The following MDGA2 variants were observed in gnomAD, a reference collection of about 807,000 sequenced individuals.
MDGA2 encodes MAM domain containing glycosylphosphatidylinositol anchor 2, also known as MAM domain-containing glycosylphosphatidylinositol anchor protein 2.
Under a neutral mutation model 117.8 loss-of-function variants are expected in MDGA2, and 40 were observed. That is an observed-to-expected ratio of 0.34 (90% confidence interval 0.26 to 0.44). The LOEUF (loss-of-function observed/expected upper bound fraction) is 0.44. MDGA2 is among the 20% of genes least tolerant of loss of function. MDGA2 has a pLI of 1.00. For missense variants in MDGA2, 1,123 were observed against 1,250.6 expected, an observed-to-expected ratio of 0.90 and a Z score of 1.54; for synonymous variants, 452 against 439.0, an observed-to-expected ratio of 1.03 and a Z score of -0.37.
intron 10 of MDGA2, among the ~76,000 whole-genome samples, chr14:46,916,249 A>C (rs928007348): frequency 1.9e-4 from 29 of 152,062 alleles, no homozygotes; most frequent in Non-Finnish European, 3.4e-4. Flanking sequence ...TCAAAATCCC[A>C]TTAGTCCCAG....
intron 2 of MDGA2, among the ~76,000 whole-genome samples, chr14:47,221,707 A>T (rs1303325876): frequency 6.8e-6 from 1 of 147,948 alleles, no homozygotes; most frequent in African/African-American, 2.5e-5. Context: ...AAAAAAAGAG[A>T]TTACGGGAAG....
intron 1 of MDGA2, among the ~76,000 whole-genome samples, chr14:47,404,814 T>C (rs1464730435): frequency 2.0e-5 from 3 of 152,146 alleles, no homozygotes; most frequent in Non-Finnish European, 4.4e-5. Flanking sequence ...TTTTAAGCTA[T>C]AATAGGATTG....
At chr14:47,298,658 C>G (rs535446311) in intron 2 of MDGA2, among the ~76,000 whole-genome samples, 1 of 149,114 alleles carries the variant, frequency 6.7e-6, no homozygotes, top group African/African-American at 2.4e-5. Flanking sequence ...AGTTTGTTGA[C>G]AATGAAGAGG....
At chr14:46,917,371 G>A (rs1439350384) in intron 10 of MDGA2, among the ~76,000 whole-genome samples, 1 of 152,192 alleles carries the variant, frequency 6.6e-6, no homozygotes, top group Non-Finnish European at 1.5e-5. Flanking sequence ...GGAGTGCCCT[G>A]CACAAGAGTA....
At chr14:47,177,331 G>T (rs1167394529) in intron 3 of MDGA2, among the ~76,000 whole-genome samples, 3 of 152,102 alleles carry the variant, frequency 2.0e-5, no homozygotes, top group Non-Finnish European at 4.4e-5. Flanking sequence ...AAATCATGCT[G>T]CTATAAAGAC....
At chr14:47,213,503 A>G (rs1885960871) in intron 3 of MDGA2, among the ~76,000 whole-genome samples, 1 of 152,162 alleles carries the variant, frequency 6.6e-6, no homozygotes, top group African/African-American at 2.4e-5. Flanking sequence ...GAAATTCTTA[A>G]TTTAAAAAAA....
chr14:47,484,379 A>G (rs1368143066), intron 1 of MDGA2, among the ~76,000 whole-genome samples: 1 of 152,214 alleles, frequency 6.6e-6, no homozygotes, highest in East Asian at 1.9e-4. Context: ...CCAATAGAGC[A>G]GCCCTTGATG....
chr14:46,998,842 A>G (rs1009519555), intron 8 of MDGA2, among the ~76,000 whole-genome samples: 4 of 152,076 alleles, frequency 2.6e-5, no homozygotes, highest in African/African-American at 9.7e-5. Flanking sequence ...CAAATTGGAC[A>G]AGGAATTTGA....
intron 1 of MDGA2, among the ~76,000 whole-genome samples, chr14:47,362,198 G>A (rs1891140733): frequency 1.3e-5 from 2 of 152,012 alleles, no homozygotes; most frequent in African/African-American, 4.8e-5. Flanking sequence ...CTCATAAAGG[G>A]AATATAGACA....
chr14:47,216,944 G>C (rs1290706009), intron 3 of MDGA2, among the ~76,000 whole-genome samples: 3 of 152,002 alleles, frequency 2.0e-5, no homozygotes, highest in African/African-American at 7.2e-5. Context: ...GGAAATAGAA[G>C]ATACTGGAGA....
intron 2 of MDGA2, among the ~76,000 whole-genome samples, chr14:47,295,913 C>T (rs1889049624): frequency 7.0e-6 from 1 of 143,816 alleles, no homozygotes; most frequent in Admixed American, 7.1e-5. Context: ...TAAAAATATA[C>T]ATATATAGAT....
At chr14:46,893,921 T>A (rs1311782431) in intron 10 of MDGA2, among the ~76,000 whole-genome samples, 1 of 152,022 alleles carries the variant, frequency 6.6e-6, no homozygotes, top group Non-Finnish European at 1.5e-5. Context: ...GACTTCTATG[T>A]ATATGTCCCT....
intron 3 of MDGA2, among the ~76,000 whole-genome samples, chr14:47,216,035 A>G (rs1457152099): frequency 6.6e-6 from 1 of 152,178 alleles, no homozygotes; most frequent in Non-Finnish European, 1.5e-5. Context: ...TGGAGATAAC[A>G]GTGCTATTAT....
At chr14:46,917,604 A>G (rs1883951110) in intron 10 of MDGA2, among the ~76,000 whole-genome samples, 1 of 152,224 alleles carries the variant, frequency 6.6e-6, no homozygotes. Flanking sequence ...GGAAATTTAT[A>G]CATACATATG....
At chr14:47,177,950 G>T (rs1431042616) in intron 3 of MDGA2, among the ~76,000 whole-genome samples, 2 of 151,954 alleles carry the variant, frequency 1.3e-5, no homozygotes, top group Non-Finnish European at 2.9e-5. Context: ...AATGCTTAGA[G>T]GATTAACTGC....
intron 1 of MDGA2, among the ~76,000 whole-genome samples, chr14:47,416,893 G>A (rs1480091730): frequency 1.3e-5 from 2 of 152,138 alleles, no homozygotes; most frequent in African/African-American, 4.8e-5. Flanking sequence ...TGCACTCTGG[G>A]TTTGTAATGG....
At chr14:46,862,668 A>G (rs555177224) in intron 14 of MDGA2, among the ~76,000 whole-genome samples, 4 of 152,068 alleles carry the variant, frequency 2.6e-5, no homozygotes, top group East Asian at 1.9e-4. Flanking sequence ...CTTGCATACA[A>G]ATCGCATTGT....
intron 9 of MDGA2, among the ~76,000 whole-genome samples, chr14:46,924,277 A>G (rs1196473182): frequency 2.0e-5 from 3 of 152,068 alleles, no homozygotes; most frequent in African/African-American, 7.2e-5. Flanking sequence ...AAATGATTAC[A>G]TTGAGATTGC....
chr14:47,059,426 T>G, intron 7 of MDGA2: 1 of 659,846 alleles, frequency 1.5e-6, no homozygotes, highest in Non-Finnish European at 2.3e-6. Context: ...AATTTAATGA[T>G]TACAACCAAT....
Sources: gnomAD v4.1 joint callset for allele counts (sites outside exome capture counted in the v4.1 genomes callset) on GRCh38, gnomAD v4.1.1 for gene constraint, MANE v1.5 for transcripts, NCBI Gene and HGNC (gene_info 2026-07-23, HGNC 2026-07-21) for gene names.